C1orf105: variants seen among roughly 807,000 people sequenced by gnomAD.
C1orf105 encodes the protein chromosome 1 open reading frame 105, also known as uncharacterized protein C1orf105.
Under a neutral mutation model 20.8 loss-of-function variants are expected in C1orf105, and 17 were observed. That is an observed-to-expected ratio of 0.82 (90% confidence interval 0.56 to 1.23). The LOEUF (loss-of-function observed/expected upper bound fraction) is 1.23, where lower values mean the gene tolerates loss of function less well. Among genes scored for constraint, C1orf105 ranks in the 50% most tolerant of loss-of-function variants. The pLI, the probability that C1orf105 is intolerant of heterozygous loss-of-function variation, is 0.00. For synonymous variants in C1orf105, 72 were observed against 72.1 expected (o/e 1.00, Z 0.01); for missense variants, 219 against 213.5 (o/e 1.03, Z -0.16).
At chr1:172,428,902 A>T (rs1441680802) in intron 1 of C1orf105, 3 of 654,160 alleles carry the variant, frequency 4.6e-6, no homozygotes, top group Non-Finnish European at 8.2e-6. Context: ...GAATGGTAGA[A>T]GGTGAGTAGA....
chr1:172,429,989 T>TA (rs1298496945), intron 1 of C1orf105, among the ~76,000 whole-genome samples: 29 of 152,228 alleles, frequency 1.9e-4, no homozygotes, highest in African/African-American at 6.5e-4. Context: ...ACCTGTAACT[T>TA]AGAGTGATAA....
chr1:172,462,229 A>G lies in C1orf105; in HGVS notation c.325A>G (p.Asn109Asp). 6.2e-7 allele frequency: 1 copy of G among 1,609,198 alleles called. No individual in the cohort carries two copies. The highest frequency in any genetic ancestry group is 8.5e-7 in the Non-Finnish European group (1 of 1,177,260). ...IPDDPKASFENCMSYRMSLHQ... is the reference protein window; with the variant it reads ...IPDDPKASFEDCMSYRMSLHQ... ...AGATGATCCAAAAGCATCCTTTGAGAATTGTATGAGTTATAGGTAAGTCAA... is the reference window on the plus strand; with the variant it reads ...AGATGATCCAAAAGCATCCTTTGAGGATTGTATGAGTTATAGGTAAGTCAA... The change falls in exon 5 of 7, where the codon AAT (asparagine) becomes GAT (aspartate). Residue 109 changes from asparagine (N) to aspartate (D), a missense_variant. Coordinates refer to ENST00000367727, the MANE Select transcript of C1orf105 (RefSeq NM_139240.4).
At chr1:172,453,237 A>T (rs1484539508) in intron 3 of C1orf105, 1 of 1,535,740 alleles carries the variant, frequency 6.5e-7, no homozygotes, top group Non-Finnish European at 8.8e-7. Context: ...TTAAATGTAA[A>T]GTGTAAAGGG....
intron 1 of C1orf105, among the ~76,000 whole-genome samples, chr1:172,428,304 C>T (rs2071775093): frequency 6.6e-6 from 1 of 152,154 alleles, no homozygotes; most frequent in Admixed American, 6.5e-5. Context: ...CTACTCTTGC[C>T]CTACAGCAAC....
At position 172,462,201 on chromosome 1, in the gene C1orf105, C is replaced by T. The variant is rs751655369; in HGVS notation, c.297C>T (p.Ile99=). Residue 99 remains isoleucine, a synonymous_variant, in exon 5 of 7, where the codon ATC becomes ATT. Transcript: ENST00000367727. ...MKMVQPRTMK[I]PDDPKASFEN... ...AGGTACAACCAAGAACAATGAAAAT[C>T]CCAGATGATCCAAAAGCATCCTTTG... 6.2e-7 allele frequency: 1 copy of T among 1,609,928 alleles called. No individual in the cohort carries two copies. Among genetic ancestry groups the T allele is most frequent in the Non-Finnish European group, 8.5e-7 (1 of 1,178,308 alleles).
At chr1:172,439,691 A>G (rs906079263) in intron 1 of C1orf105, among the ~76,000 whole-genome samples, 4 of 152,196 alleles carry the variant, frequency 2.6e-5, no homozygotes, top group East Asian at 1.9e-4. Flanking sequence ...CTGGTCACCA[A>G]TATGCACGTT....
intron 4 of C1orf105, among the ~76,000 whole-genome samples, chr1:172,457,897 T>C (rs1469318915): frequency 6.6e-6 from 1 of 152,188 alleles, no homozygotes; most frequent in Non-Finnish European, 1.5e-5. Flanking sequence ...TACAGAAAGT[T>C]AGAAAATAAA....
At chr1:172,433,202 T>G (rs1401288678) in intron 1 of C1orf105, among the ~76,000 whole-genome samples, 5 of 152,200 alleles carry the variant, frequency 3.3e-5, no homozygotes, top group Non-Finnish European at 7.4e-5. Context: ...TTCAGGATAT[T>G]ATCCAGCCTA....
chr1:172,442,679 G>A lies in C1orf105; in HGVS notation c.22-2394G>A, dbSNP rs972867628. On this transcript the variant is annotated intron_variant, in intron 1 of 6. Coordinates refer to ENST00000367727, the MANE Select transcript of C1orf105 (RefSeq NM_139240.4). ...TCATCGCCCTCACAGAAGTCCAGGT[G>A]GTTCTTGTTCTTTATGAAGTTTTGA... 24 of 1,460,212 alleles carry A rather than the reference G, an allele frequency of 1.6e-5. No individual in the cohort carries two copies. In the South Asian group the frequency reaches 2.1e-4, roughly 13 times the overall value. 90.5% of individuals were successfully genotyped at this position (1,460,212 alleles called of 1,614,324 possible).
At chr1:172,428,775 T>G in intron 1 of C1orf105, 1 of 697,730 alleles carries the variant, frequency 1.4e-6, no homozygotes, top group Non-Finnish European at 2.6e-6. Flanking sequence ...TCAAGAACCT[T>G]TGTCCTTTTT....
In C1orf105 at chr1:172,468,504, A is replaced by C; in HGVS notation, c.462A>C (p.Gly154=). 1.2e-6 allele frequency: 2 copies of C among 1,613,956 alleles called. No homozygotes were observed. The highest frequency in any genetic ancestry group is 4.5e-5 in the East Asian group (2 of 44,876). Reference sequence around the variant, plus strand: ...GCCCCAGGACAGCTGTCTTCCACGGATTACTGACAGAGGCCTACAAAACTC... The same window carrying C: ...GCCCCAGGACAGCTGTCTTCCACGGCTTACTGACAGAGGCCTACAAAACTC... ...ILGPRTAVFH[G]LLTEAYKTLK... Residue 154 remains glycine (G), a synonymous_variant, in exon 7 of 7, where the codon GGA becomes GGC. Coordinates refer to ENST00000367727, the MANE Select transcript of C1orf105 (RefSeq NM_139240.4).
intron 3 of C1orf105, among the ~76,000 whole-genome samples, chr1:172,454,837 G>T (rs191146612): frequency 6.6e-6 from 1 of 152,138 alleles, no homozygotes; most frequent in Non-Finnish European, 1.5e-5. Flanking sequence ...ACTTCTTGAT[G>T]TATAGGCTAC....
In C1orf105 at chr1:172,420,852, C is replaced by G; in HGVS notation, c.-34C>G. ...GGAGCTAGGTTTCCCCAGTCTCCAG[C>G]TAGAAAAACTCAGAACATCTAAAGA... On this transcript the variant is annotated 5_prime_UTR_variant, in exon 1 of 7. Transcript: ENST00000367727. The G allele has an allele frequency of 6.2e-7, 1 of 1,609,458 alleles. No homozygotes were observed. Among genetic ancestry groups the G allele is most frequent in the South Asian group, 1.1e-5 (1 of 90,830 alleles).
chr1:172,444,207 C>G (rs1176585972), intron 1 of C1orf105: 2 of 985,936 alleles, frequency 2.0e-6, no homozygotes, highest in African/African-American at 1.7e-5. Flanking sequence ...CTGGCCCAAA[C>G]CCGAATGCTC....
chr1:172,448,326 T>C, intron 2 of C1orf105, 115 bp from the exon 3 acceptor site: 1 of 699,140 alleles, frequency 1.4e-6, no homozygotes, highest in East Asian at 2.5e-5. Context: ...GCTCCAGAAC[T>C]GGAGTGGAAG....
intron 3 of C1orf105, chr1:172,452,674 T>G: frequency 7.0e-6 from 4 of 574,672 alleles, no homozygotes; most frequent in South Asian, 7.6e-5. Context: ...TCCTAGGGTA[T>G]GAGGATGTTT....
In C1orf105 at chr1:172,441,887, T is replaced by C. The variant is rs756863713; in HGVS notation, c.22-3186T>C. ...AAGAGTACGGCTCCCACAGCACTAA[T>C]GGACAGTAGGCCTCCCACGGCTGAA... is the stretch of plus-strand genomic sequence containing the variant. On this transcript the variant is annotated intron_variant, in intron 1 of 6. Coordinates refer to ENST00000367727, the MANE Select transcript of C1orf105 (RefSeq NM_139240.4). 16 of 1,614,080 alleles carry C rather than the reference T, an allele frequency of 9.9e-6. No homozygotes were observed. The highest frequency in any genetic ancestry group is 8.0e-5 in the African/African-American group (6 of 74,928).
At chr1:172,432,480 G>C (rs970255018) in intron 1 of C1orf105, among the ~76,000 whole-genome samples, 3 of 152,190 alleles carry the variant, frequency 2.0e-5, no homozygotes, top group South Asian at 2.1e-4. Context: ...ACAGGGTCTG[G>C]AGTGGACCTC....
Position 172,467,806 on chromosome 1 carries a change from T to G in C1orf105, c.407-643T>G, listed in dbSNP as rs571864797. On this transcript the variant is annotated intron_variant, in intron 6 of 6. Transcript: ENST00000367727. ...TTCCCAATGGGAAGATGTTATTTCA[T>G]GCACTGGTTTACCCCCATTCAAGTT... Among the ~76,000 whole-genome samples, 114 of 152,332 alleles carry G rather than the reference T, an allele frequency of 7.5e-4. 1 individual carries two copies. The Middle Eastern group carries it at 0.014, about 18-fold the overall frequency.
Sources: allele counts gnomAD v4.1 joint callset (sites outside exome capture counted in the v4.1 genomes callset), GRCh38; gene constraint gnomAD v4.1.1; transcripts MANE v1.5; gene names NCBI Gene and HGNC (gene_info 2026-07-23, HGNC 2026-07-21).